FGFRL1: variants seen among roughly 807,000 people sequenced by gnomAD.
The protein encoded by FGFRL1 is fibroblast growth factor receptor-like 1.
A neutral mutation model predicts 36.8 loss-of-function variants in FGFRL1; 24 were observed. That is an observed-to-expected ratio of 0.65 (90% CI 0.47 to 0.92). The LOEUF (loss-of-function observed/expected upper bound fraction) is 0.92, where lower values mean the gene tolerates loss of function less well. Among genes scored for constraint, FGFRL1 ranks in the 40% least tolerant of loss-of-function variants. The pLI is 0.00. For synonymous variants in FGFRL1, 422 were observed against 344.1 expected (o/e 1.23, Z -2.50); for missense variants, 785 against 753.4 (o/e 1.04, Z -0.49).
chr4:1,023,863 C>A lies in FGFRL1; in HGVS notation c.480C>A (p.Ile160=). The A allele has an allele frequency of 1.3e-6, 2 of 1,576,518 alleles. No individual in the cohort carries two copies. Among genetic ancestry groups the A allele is most frequent in the South Asian group, 2.3e-5 (2 of 87,724 alleles). Reference sequence around the variant, plus strand: ...CCTCCAAGATGAGGCGCCGGGTGATCGCACGGCCCGTGGGTAGCTCCGTGC... The same window carrying A: ...CCTCCAAGATGAGGCGCCGGGTGATAGCACGGCCCGTGGGTAGCTCCGTGC... ...TQPSKMRRRV[I]ARPVGSSVRL... The change falls in exon 5 of 7, where the codon ATC becomes ATA. Residue 160 remains isoleucine, a synonymous_variant. Coordinates refer to ENST00000510644, the MANE Select transcript of FGFRL1 (RefSeq NM_001004356.3). The surrounding 1 kb of genome is among the most constrained non-coding windows in gnomAD (Gnocchi z 6.0).
At position 1,024,945 on chromosome 4, in the gene FGFRL1, G is replaced by A. The variant is rs752771234; in HGVS notation, c.1113G>A (p.Ser371=). Residue 371 remains serine (S), a synonymous_variant, in exon 7 of 7, where the codon TCG becomes TCA. Coordinates refer to ENST00000510644, the MANE Select transcript of FGFRL1 (RefSeq NM_001004356.3). Reference sequence around the variant, plus strand: ...GGCCACCTGTGGCCTCCTCGTCCTCGGCCACTAGCCTGCCGTGGCCCGTGG... The same window carrying A: ...GGCCACCTGTGGCCTCCTCGTCCTCAGCCACTAGCCTGCCGTGGCCCGTGG... ...PPGPPVASSS[S]ATSLPWPVVI... The A allele has an allele frequency of 1.2e-5, 20 of 1,604,414 alleles. No individual in the cohort carries two copies. Among genetic ancestry groups the A allele is most frequent in the Middle Eastern group, 2.0e-4 (1 of 5,016 alleles).
In FGFRL1 at chr4:1,024,502, G is replaced by C; in HGVS notation, c.910G>C (p.Val304Leu). Residue 304 changes from valine to leucine, a missense_variant, in exon 6 of 7, where the codon GTG becomes CTG. By Grantham distance (32) the Val-to-Leu change is conservative. Coordinates refer to ENST00000510644, the MANE Select transcript of FGFRL1 (RefSeq NM_001004356.3). ...STIDVGGQKFVVLPTGDVWSR... is the reference protein window; with the variant it reads ...STIDVGGQKFLVLPTGDVWSR... Reference sequence around the variant, plus strand: ...CATCGATGTGGGCGGCCAGAAGTTTGTGGTGCTGCCCACGGGTGACGTGTG... The same window carrying C: ...CATCGATGTGGGCGGCCAGAAGTTTCTGGTGCTGCCCACGGGTGACGTGTG... The C allele has an allele frequency of 6.2e-7, 1 of 1,612,548 alleles. No individual in the cohort carries two copies. Among genetic ancestry groups the C allele is most frequent in the Non-Finnish European group, 8.5e-7 (1 of 1,179,848 alleles).
At position 1,024,920 on chromosome 4, in the gene FGFRL1, G is replaced by T. The variant is rs1401749777; in HGVS notation, c.1088G>T (p.Gly363Val). 6.3e-7 allele frequency: 1 copy of T among 1,595,542 alleles called. No homozygotes were observed. The highest frequency in any genetic ancestry group is 1.3e-5 in the African/African-American group (1 of 74,650). ...LTVLPDPKPPGPPVASSSSAT... is the reference protein window; with the variant it reads ...LTVLPDPKPPVPPVASSSSAT... ...GCTCTTGCAGACCCAAAACCGCCAG[G>T]GCCACCTGTGGCCTCCTCGTCCTCG... is the stretch of plus-strand genomic sequence containing the variant. Residue 363 changes from glycine to valine, a missense_variant, in exon 7 of 7, where the codon GGG becomes GTG. Gly to Val is a moderately radical substitution (Grantham distance 109, BLOSUM62 -3). Coordinates refer to ENST00000510644, the MANE Select transcript of FGFRL1 (RefSeq NM_001004356.3).
chr4:1,014,808 G>A (rs906704176), intron 2 of FGFRL1, among the ~76,000 whole-genome samples: 3 of 152,196 alleles, frequency 2.0e-5, no homozygotes, highest in Admixed American at 6.5e-5. Context: ...AATCGGGCCA[G>A]CCGCCCCGTT....
rs201062727 is a variant in FGFRL1 at position 1,025,056 on chromosome 4, C to T, written c.1224C>T (p.Pro408=). 9.3e-5 allele frequency: 150 copies of T among 1,609,558 alleles called. No individual in the cohort carries two copies. The Middle Eastern group carries it at 5.0e-3, about 54-fold the overall frequency. Residue 408 remains proline (P), a synonymous_variant, in exon 7 of 7, where the codon CCC becomes CCT. Transcript: ENST00000510644. ...LCQAQKKPCT[P]APAPPLPGHR... ...AGGCCCAGAAGAAGCCGTGCACCCCCGCGCCTGCCCCTCCCCTGCCTGGGC... is the reference window on the plus strand; with the variant it reads ...AGGCCCAGAAGAAGCCGTGCACCCCTGCGCCTGCCCCTCCCCTGCCTGGGC...
In FGFRL1 at chr4:1,025,553, C is replaced by T. The variant is rs546391446; in HGVS notation, c.*206C>T. On this transcript the variant is annotated 3_prime_UTR_variant, in exon 7 of 7. Transcript: ENST00000510644. ...GGATGCATGTATGCACACACATGCG[C>T]GCACACGTGCTCCCTGAAGGCACAC... 3.0e-4 allele frequency: 193 copies of T among 653,164 alleles called. 4 individuals are homozygous for T. The highest frequency in any genetic ancestry group is 2.0e-3 in the Middle Eastern group (5 of 2,490). The allele number at this position is 653,164 out of a possible 1,614,324, so 40.5% of individuals were successfully genotyped here.
At chr4:1,016,122 G>A (rs1021985413) in intron 2 of FGFRL1, among the ~76,000 whole-genome samples, 15 of 152,176 alleles carry the variant, frequency 9.9e-5, no homozygotes, top group Non-Finnish European at 2.1e-4. Flanking sequence ...GTGTGCCTGG[G>A]CTGCTCCGTG....
chr4:1,013,843 G>A (rs969695112), intron 2 of FGFRL1, among the ~76,000 whole-genome samples: 3 of 152,282 alleles, frequency 2.0e-5, no homozygotes, highest in African/African-American at 7.2e-5. Context: ...TCGTGGAGAC[G>A]CCCCAGCGGC....
rs1716564669 is a variant in FGFRL1, at chr4:1,026,801, G to C, written c.*1454G>C. ...ACACCACCCCCCACCCCACTGTCGTGGTGGCCCCAGATCTCTGTAATTTTA... is the reference window on the plus strand; with the variant it reads ...ACACCACCCCCCACCCCACTGTCGTCGTGGCCCCAGATCTCTGTAATTTTA... On this transcript the variant is annotated 3_prime_UTR_variant, in exon 7 of 7. Transcript: ENST00000510644. 2.2e-6 allele frequency: 1 copy of C among 454,496 alleles called. No homozygotes were observed. The highest frequency in any genetic ancestry group is 1.6e-5 in the South Asian group (1 of 64,052). The allele number at this position is 454,496 out of a possible 1,614,324, so 28.2% of individuals were successfully genotyped here.
intron 6 of FGFRL1, 115 bp from the exon 7 acceptor site, chr4:1,024,790 G>T: frequency 7.1e-7 from 1 of 1,402,750 alleles, no homozygotes; most frequent in Admixed American, 2.3e-5. Context: ...GTCATCTGCC[G>T]AGGGAGGGCA....
At chr4:1,018,924 G>A (rs1716032693) in intron 2 of FGFRL1, among the ~76,000 whole-genome samples, 2 of 152,286 alleles carry the variant, frequency 1.3e-5, no homozygotes, top group East Asian at 1.9e-4. Flanking sequence ...GAGGGGGAGG[G>A]AGGCTGTTTG....
At position 1,025,114 on chromosome 4, in the gene FGFRL1, G is replaced by A. The variant is rs200822222; in HGVS notation, c.1282G>A (p.Gly428Arg). ...GCCGGGGACGGCCCGCGACCGCAGC[G>A]GAGACAAGGACCTTCCCTCGTTGGC... Reference protein sequence around the residue: ...RPPGTARDRSGDKDLPSLAAL... With the variant: ...RPPGTARDRSRDKDLPSLAAL... Residue 428 changes from glycine to arginine, a missense_variant, in exon 7 of 7, where the codon GGA becomes AGA. By Grantham distance (125) the Gly-to-Arg change is moderately radical. Transcript: ENST00000510644. 94 of 1,611,324 alleles carry A rather than the reference G, an allele frequency of 5.8e-5. No homozygotes were observed. In the African/African-American group the frequency reaches 6.7e-4, roughly 11 times the overall value.
intron 2 of FGFRL1, among the ~76,000 whole-genome samples, chr4:1,019,060 T>C (rs918264056): frequency 6.6e-6 from 1 of 152,212 alleles, no homozygotes; most frequent in Non-Finnish European, 1.5e-5. Context: ...CCTTTCTCAG[T>C]GGTGACCACA....
chr4:1,016,134 T>C, intron 2 of FGFRL1, among the ~76,000 whole-genome samples: 1 of 152,054 alleles, frequency 6.6e-6, no homozygotes, highest in East Asian at 1.9e-4. Context: ...TGCTCCGTGG[T>C]TGGGGCAGCC....
Position 1,012,524 on chromosome 4 carries a change from G to A in FGFRL1, c.39G>A (p.Pro13=), listed in dbSNP as rs980553153. The A allele has an allele frequency of 5.2e-6, 8 of 1,542,574 alleles. No homozygotes were observed. In the Admixed American group the frequency reaches 7.5e-5, roughly 14 times the overall value. The part of the protein sequence containing the change: ...PSPLLLLLLP[P]LLLGAFPPAA... Reference sequence around the variant, plus strand: ...CCCTGTTGCTGCTCCTGCTGCCGCCGCTGCTGCTGGGGGCCTTCCCGCCGG... The same window carrying A: ...CCCTGTTGCTGCTCCTGCTGCCGCCACTGCTGCTGGGGGCCTTCCCGCCGG... The change falls in exon 2 of 7, where the codon CCG becomes CCA. Residue 13 remains proline, a synonymous_variant. Transcript: ENST00000510644.
chr4:1,014,386 T>C (rs527881378), intron 2 of FGFRL1, among the ~76,000 whole-genome samples: 46 of 152,216 alleles, frequency 3.0e-4, no homozygotes, highest in Non-Finnish European at 5.7e-4. Flanking sequence ...CAAATAACTC[T>C]GAAGGAAGTC....
Position 1,026,752 on chromosome 4 carries a change from A to G in FGFRL1, c.*1405A>G, listed in dbSNP as rs1716561070. The G allele has an allele frequency of 2.3e-6, 1 of 431,758 alleles. No individual in the cohort carries two copies. Among genetic ancestry groups the G allele is most frequent in the African/African-American group, 2.0e-5 (1 of 49,000 alleles). 26.7% of individuals were successfully genotyped at this position (431,758 alleles called of 1,614,324 possible). ...CCCGCCTGGTCTTTCAGCCATGCTG[A>G]TGACCACACCCCGTCCAGGCCAGAC... On this transcript the variant is annotated 3_prime_UTR_variant, in exon 7 of 7. Transcript: ENST00000510644.
intron 2 of FGFRL1, among the ~76,000 whole-genome samples, chr4:1,018,445 G>A (rs1577561648): frequency 2.0e-5 from 3 of 152,196 alleles, no homozygotes; most frequent in South Asian, 2.1e-4. Flanking sequence ...CAGCAGTGAG[G>A]CCCTGTCTCA....
rs370405185 is a variant in FGFRL1, at chr4:1,024,468, C to T, written c.876C>T (p.His292=). The change falls in exon 6 of 7, where the codon CAC becomes CAT. Residue 292 remains histidine, a synonymous_variant. Transcript: ENST00000510644. Reference sequence around the variant, plus strand: ...TGGAGTACGGCGCCGAGGGCCGCCACAACTCCACCATCGATGTGGGCGGCC... The same window carrying T: ...TGGAGTACGGCGCCGAGGGCCGCCATAACTCCACCATCGATGTGGGCGGCC... ...KRVEYGAEGR[H]NSTIDVGGQK... is the part of the protein sequence containing the mutation. 1.2e-5 allele frequency: 20 copies of T among 1,612,420 alleles called. No individual in the cohort carries two copies. The highest frequency in any genetic ancestry group is 1.6e-5 in the Non-Finnish European group (19 of 1,179,846).
Sources: gnomAD v4.1 joint callset for allele counts (sites outside exome capture counted in the v4.1 genomes callset) on GRCh38, gnomAD v4.1.1 for gene constraint, Gnocchi (gnomAD v3.1) non-coding constraint, MANE v1.5 for transcripts, NCBI Gene and HGNC (gene_info 2026-07-23, HGNC 2026-07-21) for gene names.